BFAR: variants seen among roughly 807,000 people sequenced by gnomAD.
BFAR encodes the protein RING finger protein 47.
A neutral mutation model predicts 54.4 loss-of-function variants in BFAR; 52 were observed. That is an observed-to-expected ratio of 0.96 (90% confidence interval 0.77 to 1.21). The LOEUF is 1.21. Ranked by LOEUF, BFAR falls within the 50% of genes most tolerant of loss-of-function variation. The pLI is 0.00. For missense variants in BFAR, 571 were observed against 534.0 expected (o/e 1.07, Z -0.68); for synonymous variants, 215 against 204.3 (o/e 1.05, Z -0.45).
At chr16:14,639,338 C>T (rs747993936) in intron 1 of BFAR, among the ~76,000 whole-genome samples, 10 of 151,734 alleles carry the variant, frequency 6.6e-5, no homozygotes, top group Non-Finnish European at 1.5e-4. Context: ...GACAGAGTCT[C>T]GCTGTGTCAC....
Position 14,668,506 on chromosome 16 carries a change from A to G in BFAR, c.*679A>G, listed in dbSNP as rs1316391939. 1.3e-5 allele frequency: 2 copies of G among 152,436 alleles called. No homozygotes were observed. Among genetic ancestry groups the G allele is most frequent in the Non-Finnish European group, 2.9e-5 (2 of 68,328 alleles). The allele number at this position is 152,436 out of a possible 1,614,324, so 9.4% of individuals were successfully genotyped here. Reference sequence around the variant, plus strand: ...TGGATCCCTTTCTCTGAATGGAGAGATTGAGAGGGATGTCGGGCAGTTCCC... The same window carrying G: ...TGGATCCCTTTCTCTGAATGGAGAGGTTGAGAGGGATGTCGGGCAGTTCCC... On this transcript the variant is annotated 3_prime_UTR_variant, in exon 8 of 8. Transcript: ENST00000261658.
At chr16:14,667,489 G>C (rs909221895) in intron 7 of BFAR, 146 bp from the exon 8 acceptor site, 2 of 727,780 alleles carry the variant, frequency 2.7e-6, no homozygotes, top group African/African-American at 3.5e-5. Context: ...AGTAGGCAGA[G>C]GTCTCAGGCA....
At position 14,649,664 on chromosome 16, in the gene BFAR, T is replaced by C. The variant is rs561315174; in HGVS notation, c.469-140T>C. On this transcript the variant is annotated intron_variant, in intron 3 of 7. Coordinates refer to ENST00000261658, the MANE Select transcript of BFAR (RefSeq NM_016561.3). ...CTGTGGCCGTGGCGTTGCCCTGCTT[T>C]TGTTGCCCTGCTTCTGTGTACGGGC... 3 of 695,794 alleles carry C rather than the reference T, an allele frequency of 4.3e-6. No homozygotes were observed. The South Asian group carries it at 8.2e-5, about 19-fold the overall frequency. 43.1% of individuals were successfully genotyped at this position (695,794 alleles called of 1,614,324 possible).
intron 1 of BFAR, among the ~76,000 whole-genome samples, chr16:14,639,339 G>T (rs928005253): frequency 6.6e-6 from 1 of 151,274 alleles, no homozygotes; most frequent in East Asian, 1.9e-4. Flanking sequence ...ACAGAGTCTC[G>T]CTGTGTCACC....
intron 6 of BFAR, among the ~76,000 whole-genome samples, chr16:14,662,607 C>G (rs1448092065): frequency 6.6e-6 from 1 of 152,096 alleles, no homozygotes; most frequent in Non-Finnish European, 1.5e-5. Context: ...GCAGCCTCGA[C>G]CTCCTGGGCT....
intron 6 of BFAR, among the ~76,000 whole-genome samples, chr16:14,663,392 C>T (rs951393244): frequency 2.6e-5 from 4 of 151,728 alleles, no homozygotes; most frequent in Non-Finnish European, 4.4e-5. Context: ...AGTGCAGTGG[C>T]GCAATCTTGG....
At chr16:14,650,657 CAT>C (rs1959942305) in intron 4 of BFAR, 1 of 152,192 alleles carries the variant, frequency 6.6e-6, no homozygotes, top group Non-Finnish European at 1.5e-5. Flanking sequence ...CGTGACATAA[CAT>C]GTATCAGTAC....
At position 14,667,680 on chromosome 16, in the gene BFAR, G is replaced by T; in HGVS notation, c.1206G>T (p.Thr402=). 1.2e-6 allele frequency: 2 copies of T among 1,614,190 alleles called. No homozygotes were observed. The highest frequency in any genetic ancestry group is 8.5e-7 in the Non-Finnish European group (1 of 1,180,028). The change falls in exon 8 of 8, where the codon ACG becomes ACT. Residue 402 remains threonine (T), a synonymous_variant. Coordinates refer to ENST00000261658, the MANE Select transcript of BFAR (RefSeq NM_016561.3). Reference sequence around the variant, plus strand: ...GGAGCCATTTCTGGAAAGTATCAACGCAGGGGCTTTTTGTGGCCATGTTCT... The same window carrying T: ...GGAGCCATTTCTGGAAAGTATCAACTCAGGGGCTTTTTGTGGCCATGTTCT... The part of the protein sequence containing the change: ...RMWSHFWKVS[T]QGLFVAMFWP...
In BFAR at chr16:14,667,680, G is replaced by C. The variant is rs369606672; in HGVS notation, c.1206G>C (p.Thr402=). ...GGAGCCATTTCTGGAAAGTATCAACGCAGGGGCTTTTTGTGGCCATGTTCT... is the reference window on the plus strand; with the variant it reads ...GGAGCCATTTCTGGAAAGTATCAACCCAGGGGCTTTTTGTGGCCATGTTCT... ...RMWSHFWKVS[T]QGLFVAMFWP... is the part of the protein sequence containing the mutation. The change falls in exon 8 of 8, where the codon ACG becomes ACC. Residue 402 remains threonine (T), a synonymous_variant. Transcript: ENST00000261658. The C allele has an allele frequency of 1.2e-6, 2 of 1,614,072 alleles. No individual in the cohort carries two copies. Among genetic ancestry groups the C allele is most frequent in the Non-Finnish European group, 8.5e-7 (1 of 1,180,036 alleles).
intron 6 of BFAR, among the ~76,000 whole-genome samples, chr16:14,662,295 C>T (rs1251905782): frequency 6.6e-6 from 1 of 152,138 alleles, no homozygotes; most frequent in African/African-American, 2.4e-5. Context: ...ATCATCCACA[C>T]CCATAAATAA....
intron 1 of BFAR, among the ~76,000 whole-genome samples, chr16:14,635,852 G>A (rs1321937184): frequency 6.6e-6 from 1 of 151,478 alleles, no homozygotes; most frequent in Non-Finnish European, 1.5e-5. Context: ...GGCTGGTCTC[G>A]AACTCCTGAC....
At chr16:14,664,527 TCTCC>T (rs1567496664) in intron 6 of BFAR, among the ~76,000 whole-genome samples, 1 of 152,038 alleles carries the variant, frequency 6.6e-6, no homozygotes, top group African/African-American at 2.4e-5. Flanking sequence ...TGAGACACAG[TCTCC>T]CTCTATCACC....
intron 1 of BFAR, among the ~76,000 whole-genome samples, chr16:14,640,330 CAG>C (rs1434307734): frequency 1.3e-5 from 2 of 152,076 alleles, no homozygotes; most frequent in Non-Finnish European, 2.9e-5. Flanking sequence ...AGGCAGGTAA[CAG>C]AACTGAAATG....
At chr16:14,640,041 C>T (rs1004557008) in intron 1 of BFAR, among the ~76,000 whole-genome samples, 1 of 151,458 alleles carries the variant, frequency 6.6e-6, no homozygotes, top group Non-Finnish European at 1.5e-5. Flanking sequence ...GTCCAGGCTA[C>T]ATAGGAGGCT....
Position 14,667,689 on chromosome 16 carries a change from T to A in BFAR, c.1215T>A (p.Leu405=), listed in dbSNP as rs759912426. ...SHFWKVSTQG[L]FVAMFWPLIP... The stretch of plus-strand genomic sequence containing the variant: ...TCTGGAAAGTATCAACGCAGGGGCT[T>A]TTTGTGGCCATGTTCTGGCCCCTCA... Residue 405 remains leucine, a synonymous_variant, in exon 8 of 8, where the codon CTT becomes CTA. Coordinates refer to ENST00000261658, the MANE Select transcript of BFAR (RefSeq NM_016561.3). 5 of 1,614,210 alleles carry A rather than the reference T, an allele frequency of 3.1e-6. No homozygotes were observed. Among genetic ancestry groups the A allele is most frequent in the Admixed American group, 1.7e-5 (1 of 60,018 alleles).
rs776287445 is a variant in BFAR at position 14,665,010 on chromosome 16, A to G, written c.1099A>G (p.Met367Val). The change falls in exon 7 of 8, where the codon ATG (methionine) becomes GTG (valine). Residue 367 changes from methionine (M) to valine (V), a missense_variant. Transcript: ENST00000261658. ...WTSRFLIINA[M>V]LLSVLELFSF... ...ATCACGGTTTCTCATCATCAATGCT[A>G]TGTTACTCTCAGTTCTGGAATTATT... The G allele has an allele frequency of 7.4e-6, 12 of 1,613,952 alleles. No individual in the cohort carries two copies. In the East Asian group the frequency reaches 8.9e-5, roughly 12 times the overall value.
At chr16:14,635,529 G>A (rs1959405701) in intron 1 of BFAR, among the ~76,000 whole-genome samples, 1 of 152,084 alleles carries the variant, frequency 6.6e-6, no homozygotes, top group Non-Finnish European at 1.5e-5. Context: ...AGAAATGAAA[G>A]AGGGCAGGCT....
At chr16:14,657,046 T>C (rs1245916443) in intron 5 of BFAR, among the ~76,000 whole-genome samples, 1 of 151,840 alleles carries the variant, frequency 6.6e-6, no homozygotes, top group Non-Finnish European at 1.5e-5. Context: ...GAGGTTGCAG[T>C]GAGCTGAGAT....
At chr16:14,640,391 G>A (rs1352347686) in intron 1 of BFAR, among the ~76,000 whole-genome samples, 3 of 152,182 alleles carry the variant, frequency 2.0e-5, no homozygotes, top group Admixed American at 1.3e-4. Flanking sequence ...CGGCTGCTGA[G>A]TTCCTCTGCT....
Sources: allele counts gnomAD v4.1 joint callset (sites outside exome capture counted in the v4.1 genomes callset), GRCh38; gene constraint gnomAD v4.1.1; transcripts MANE v1.5; gene names NCBI Gene and HGNC (gene_info 2026-07-23, HGNC 2026-07-21).